The following MYO5B variants were observed in gnomAD, a reference collection of about 807,000 sequenced individuals.
MYO5B encodes the protein unconventional myosin-Vb.
A neutral mutation model predicts 229.3 loss-of-function variants in MYO5B; 143 were observed. The observed-to-expected ratio is 0.62, with a 90% CI of 0.54 to 0.72. The LOEUF (loss-of-function observed/expected upper bound fraction) is 0.72. MYO5B is among the 30% of genes least tolerant of loss of function. The pLI, the probability that MYO5B is intolerant of heterozygous loss-of-function variation, is 0.00. For synonymous variants in MYO5B, 918 were observed against 885.2 expected (o/e 1.04, Z -0.66); for missense variants, 2,321 against 2,331.0 (o/e 1.00, Z 0.09).
At chr18:50,118,553 C>CT (rs2032004444) in intron 1 of MYO5B, among the ~76,000 whole-genome samples, 1 of 151,758 alleles carries the variant, frequency 6.6e-6, no homozygotes, top group South Asian at 2.1e-4. Flanking sequence ...TATTATTATA[C>CT]TTTAAGTTTT....
intron 4 of MYO5B, among the ~76,000 whole-genome samples, chr18:50,016,614 T>C (rs1331194348): frequency 6.6e-6 from 1 of 152,200 alleles, no homozygotes; most frequent in Non-Finnish European, 1.5e-5. Context: ...TTCTCTAAAA[T>C]ATCTTCTCCA....
intron 1 of MYO5B, among the ~76,000 whole-genome samples, chr18:50,152,333 G>A (rs2032612051): frequency 6.6e-6 from 1 of 152,188 alleles, no homozygotes; most frequent in South Asian, 2.1e-4. Context: ...GGCACTCCCT[G>A]AATGAAATCT....
chr18:50,008,957 T>G (rs1358663537), intron 4 of MYO5B, among the ~76,000 whole-genome samples: 1 of 152,200 alleles, frequency 6.6e-6, no homozygotes, highest in African/African-American at 2.4e-5. Flanking sequence ...ATACATAGAA[T>G]TTTAAAATAA....
At chr18:50,172,678 T>A (rs1314480046) in intron 1 of MYO5B, among the ~76,000 whole-genome samples, 1 of 152,240 alleles carries the variant, frequency 6.6e-6, no homozygotes, top group Non-Finnish European at 1.5e-5. Flanking sequence ...ACATGTATCC[T>A]AGGCACTGGA....
chr18:50,022,555 T>C (rs2144360375), intron 4 of MYO5B, among the ~76,000 whole-genome samples: 1 of 152,336 alleles, frequency 6.6e-6, no homozygotes, highest in South Asian at 2.1e-4. Context: ...GTTCAACTTC[T>C]GACGATCAAA....
intron 1 of MYO5B, among the ~76,000 whole-genome samples, chr18:50,157,382 G>A (rs752204372): frequency 2.0e-5 from 3 of 152,130 alleles, no homozygotes; most frequent in Non-Finnish European, 4.4e-5. Flanking sequence ...TTGAATATGG[G>A]ATAAAATCTA....
intron 1 of MYO5B, among the ~76,000 whole-genome samples, chr18:50,166,664 C>T (rs2032856725): frequency 6.6e-6 from 1 of 152,082 alleles, no homozygotes; most frequent in Non-Finnish European, 1.5e-5. Context: ...AGCCACTCCC[C>T]ACCCCCCGCC....
chr18:50,107,060 C>T (rs902546609), intron 1 of MYO5B, among the ~76,000 whole-genome samples: 1 of 146,162 alleles, frequency 6.8e-6, no homozygotes, highest in South Asian at 2.2e-4. Flanking sequence ...ATGGGCTAGA[C>T]AGAGCTTGGA....
intron 10 of MYO5B, among the ~76,000 whole-genome samples, chr18:49,965,362 G>A (rs1029821289): frequency 1.3e-5 from 2 of 152,074 alleles, no homozygotes; most frequent in South Asian, 2.1e-4. Flanking sequence ...TCAGGCTGAG[G>A]GGTGAGAAGG....
At chr18:49,929,282 A>C (rs1352746750) in intron 17 of MYO5B, among the ~76,000 whole-genome samples, 2 of 152,216 alleles carry the variant, frequency 1.3e-5, no homozygotes, top group African/African-American at 2.4e-5. Context: ...CTGAAATCTG[A>C]AAAGGACTTT....
intron 1 of MYO5B, among the ~76,000 whole-genome samples, chr18:50,128,567 T>C (rs969728199): frequency 6.6e-6 from 1 of 152,172 alleles, no homozygotes; most frequent in African/African-American, 2.4e-5. Context: ...CCTAGCTCAG[T>C]GACAGGAAGT....
At chr18:50,019,943 G>T (rs2026256606) in intron 4 of MYO5B, among the ~76,000 whole-genome samples, 2 of 152,104 alleles carry the variant, frequency 1.3e-5, no homozygotes, top group Non-Finnish European at 2.9e-5. Context: ...GGGTGAGAGG[G>T]TCTGTGGTCA....
At chr18:50,160,285 A>T (rs561792110) in intron 1 of MYO5B, among the ~76,000 whole-genome samples, 1 of 152,322 alleles carries the variant, frequency 6.6e-6, no homozygotes, top group Admixed American at 6.5e-5. Context: ...GCAGAGGGCA[A>T]GGCTGTGGAG....
At chr18:50,054,991 T>A (rs1456040134) in intron 2 of MYO5B, among the ~76,000 whole-genome samples, 1 of 152,070 alleles carries the variant, frequency 6.6e-6, no homozygotes, top group Non-Finnish European at 1.5e-5. Context: ...AACCTCCTGT[T>A]CCCTCCACTC....
intron 30 of MYO5B, among the ~76,000 whole-genome samples, chr18:49,855,351 C>G (rs547404008): frequency 6.6e-6 from 1 of 152,314 alleles, no homozygotes; most frequent in South Asian, 2.1e-4. Flanking sequence ...TTTGAGGCCA[C>G]GACCAGTGGC....
At chr18:50,043,773 A>G (rs189861101) in intron 2 of MYO5B, among the ~76,000 whole-genome samples, 2 of 150,326 alleles carry the variant, frequency 1.3e-5, no homozygotes, top group Admixed American at 1.3e-4. Context: ...ATGGGACTGG[A>G]GATTCTAAGT....
intron 5 of MYO5B, 36 bp from the exon 6 acceptor site, chr18:49,992,467 A>T (rs775293651): frequency 6.2e-7 from 1 of 1,614,088 alleles, no homozygotes; most frequent in Non-Finnish European, 8.5e-7. Flanking sequence ...ATGAAAAAAA[A>T]AGAGGGCTTT....
intron 4 of MYO5B, among the ~76,000 whole-genome samples, chr18:50,028,614 G>T (rs777252656): frequency 4.6e-5 from 7 of 152,194 alleles, no homozygotes; most frequent in Non-Finnish European, 7.3e-5. Flanking sequence ...GGCAAATAGA[G>T]ACTCAGTAAA....
At chr18:49,833,128 GAA>G in intron 39 of MYO5B, among the ~76,000 whole-genome samples, 1 of 152,262 alleles carries the variant, frequency 6.6e-6, no homozygotes, top group South Asian at 2.1e-4. Flanking sequence ...AATGGGAAAA[GAA>G]AGTGAAATAT....
Sources: gnomAD v4.1 joint callset for allele counts (sites outside exome capture counted in the v4.1 genomes callset) on GRCh38, gnomAD v4.1.1 for gene constraint, MANE v1.5 for transcripts, NCBI Gene and HGNC (gene_info 2026-07-23, HGNC 2026-07-21) for gene names.